The following TTC21B variants were observed in gnomAD, a reference collection of about 807,000 sequenced individuals.
The protein encoded by TTC21B is tetratricopeptide repeat protein 21B.
TTC21B carries 127 observed loss-of-function variants against 175.1 expected under a neutral mutation model. The observed-to-expected ratio is 0.73, with a 90% CI of 0.63 to 0.84. TTC21B has a LOEUF of 0.84. Ranked by LOEUF, TTC21B falls within the 40% of genes least tolerant of loss-of-function variation. TTC21B has a pLI of 0.00. For missense variants in TTC21B, 1,561 were observed against 1,558.3 expected (o/e 1.00, Z -0.03); for synonymous variants, 524 against 524.5 (o/e 1.00, Z 0.01).
intron 18 of TTC21B, among the ~76,000 whole-genome samples, chr2:165,908,010 C>T (rs757795281): frequency 2.7e-4 from 41 of 151,652 alleles, no homozygotes; most frequent in Non-Finnish European, 5.4e-4. Context: ...GGGTTAACAA[C>T]TAGAGGCTTT....
intron 11 of TTC21B, 36 bp downstream of exon 11, chr2:165,929,099 A>C (rs1320491770): frequency 1.3e-6 from 2 of 1,580,728 alleles, no homozygotes; most frequent in Non-Finnish European, 1.7e-6. Context: ...ACATCAAGTA[A>C]ACGCATCCTT....
rs770140920 is a variant in TTC21B, at chr2:165,929,327, G to T, written c.1194C>A (p.Ile398=). The T allele has an allele frequency of 1.9e-6, 3 of 1,601,100 alleles. No individual in the cohort carries two copies. The highest frequency in any genetic ancestry group is 2.2e-5 in the South Asian group (2 of 90,432). ...QQSIGKSAEL[I]YLHAVLAMKK... ...TCATGGCAAGAACTGCATGTAAATA[G>T]ATTAATTCCTAGAAAATAAGTAGTT... Residue 398 remains isoleucine (I), a synonymous_variant, in exon 11 of 29, where the codon ATC becomes ATA. Coordinates refer to ENST00000243344, the MANE Select transcript of TTC21B (RefSeq NM_024753.5).
chr2:165,930,418 A>G, intron 8 of TTC21B, 54 bp from the exon 9 acceptor site: 1 of 1,272,344 alleles, frequency 7.9e-7, no homozygotes, highest in Non-Finnish European at 1.1e-6. Context: ...TTCTACTGAG[A>G]CTAAAGGATT....
Position 165,930,732 on chromosome 2 carries a change from G to GTGTGTGTGTGTGTGTGT in TTC21B, c.895-369_895-368insACACACACACACACACA. On this transcript the variant is annotated intron_variant, in intron 8 of 28. Coordinates refer to ENST00000243344, the MANE Select transcript of TTC21B (RefSeq NM_024753.5). ...TATTTTATGGTTACGTGGGTATGGGGGTGTGTGTGTGTGTGTGTGTGTGTG... is the reference window on the plus strand; with the variant it reads ...TATTTTATGGTTACGTGGGTATGGGGTGTGTGTGTGTGTGTGTGTGTGTGTGTGTGTGTGTGTGTGTG... 1.9e-3 allele frequency among the ~76,000 whole-genome samples: 205 copies of GTGTGTGTGTGTGTGTGT among 110,772 alleles called. 14 individuals carry two copies. Among genetic ancestry groups the GTGTGTGTGTGTGTGTGT allele is most frequent in the Middle Eastern group, 8.8e-3 (2 of 226 alleles). 72.7% of individuals were successfully genotyped at this position (110,772 alleles called of 152,430 possible). A position where few individuals can be genotyped will look rare whatever the true frequency, so the allele number is the denominator to read the frequency against.
intron 1 of TTC21B, among the ~76,000 whole-genome samples, chr2:165,952,410 T>C (rs1687787092): frequency 1.3e-5 from 2 of 152,116 alleles, no homozygotes; most frequent in South Asian, 4.1e-4. Context: ...AAGTCTAAAA[T>C]GTGTACTATC....
chr2:165,953,676 C>CCCGCTCACCCGCTCACCTTCAATT lies in TTC21B; in HGVS notation c.21+8_21+9insAATTGAAGGTGAGCGGGTGAGCGG. The CCCGCTCACCCGCTCACCTTCAATT allele has an allele frequency of 6.5e-7, 1 of 1,548,128 alleles. No individual in the cohort carries two copies. Among genetic ancestry groups the CCCGCTCACCCGCTCACCTTCAATT allele is most frequent in the South Asian group, 1.2e-5 (1 of 83,998 alleles). Reference sequence around the variant, plus strand: ...GCCCGCTCACCCGCTCACCCGCTCACCCGCTCACCTTCAATTCCTGCGAGT... The same window carrying CCCGCTCACCCGCTCACCTTCAATT: ...GCCCGCTCACCCGCTCACCCGCTCACCCGCTCACCCGCTCACCTTCAATTCCGCTCACCTTCAATTCCTGCGAGT... On this transcript the variant is annotated intron_variant, in intron 1 of 28. Coordinates refer to ENST00000243344, the MANE Select transcript of TTC21B (RefSeq NM_024753.5).
At chr2:165,950,109 G>C (rs909249248) in intron 1 of TTC21B, among the ~76,000 whole-genome samples, 1 of 100,386 alleles carries the variant, frequency 1.0e-5, no homozygotes, top group African/African-American at 3.8e-5. Context: ...TCCATTGCCA[G>C]ACCATAGGTT....
At chr2:165,930,752 T>TGC (rs933531562) in intron 8 of TTC21B, among the ~76,000 whole-genome samples, 2 of 151,366 alleles carry the variant, frequency 1.3e-5, no homozygotes, top group African/African-American at 4.8e-5. Context: ...TGTGTGTGTG[T>TGC]GTGTGTGTGT....
chr2:165,903,582 G>T (rs1010434162), intron 19 of TTC21B, among the ~76,000 whole-genome samples: 9 of 152,146 alleles, frequency 5.9e-5, no homozygotes, highest in African/African-American at 1.9e-4. Flanking sequence ...GCTACTTCAG[G>T]ACCGTAAGCA....
At chr2:165,929,058 A>T (rs1477107809) in intron 11 of TTC21B, 77 bp downstream of exon 11, 2 of 1,341,344 alleles carry the variant, frequency 1.5e-6, no homozygotes, top group Admixed American at 3.5e-5. Context: ...AGTCTAATGC[A>T]TCAAAGAAAA....
At chr2:165,950,124 TA>T (rs3032579) in intron 1 of TTC21B, among the ~76,000 whole-genome samples, 35,496 of 148,504 alleles carry the variant, frequency 0.24, 6,778 homozygotes, top group African/African-American at 0.53. Flanking sequence ...TAGGTTTCTT[TA>T]AAAAAAAAAA....
chr2:165,951,033 ACCT>A lies in TTC21B; in HGVS notation c.22-1312_22-1310del, dbSNP rs927737518. ...CCCTCCTTGTGATCACTGCTCCCTA[ACCT>A]CCTTTTTAGCCATGTTTCTTAAAAG... On this transcript the variant is annotated intron_variant, in intron 1 of 28. Transcript: ENST00000243344. Among the ~76,000 whole-genome samples, 19 of 151,672 alleles carry A rather than the reference ACCT, an allele frequency of 1.3e-4. No homozygotes were observed. In the East Asian group the frequency reaches 2.3e-3, roughly 19 times the overall value.
rs1687820436 is a variant in TTC21B at position 165,953,403 on chromosome 2, A to G, written c.21+282T>C. On this transcript the variant is annotated intron_variant, in intron 1 of 28. Transcript: ENST00000243344. The stretch of plus-strand genomic sequence containing the variant: ...CATAGGTAACCCAAGCTTTCCTAGT[A>G]AACATGATACAAAAGTAAACACAAC... 2.6e-5 allele frequency among the ~76,000 whole-genome samples: 4 copies of G among 152,350 alleles called. No homozygotes were observed. The South Asian group carries it at 8.3e-4, about 32-fold the overall frequency.
At chr2:165,923,105 T>G (rs1169203044) in intron 12 of TTC21B, among the ~76,000 whole-genome samples, 1 of 151,772 alleles carries the variant, frequency 6.6e-6, no homozygotes, top group Non-Finnish European at 1.5e-5. Flanking sequence ...GGGAAGAGGG[T>G]GTGGGATAGA....
intron 18 of TTC21B, 51 bp from the exon 19 acceptor site, chr2:165,907,835 T>C: frequency 7.8e-7 from 1 of 1,288,210 alleles, no homozygotes; most frequent in Non-Finnish European, 1.1e-6. Flanking sequence ...TAAATAAATG[T>C]TTATATTTTT....
intron 14 of TTC21B, among the ~76,000 whole-genome samples, chr2:165,915,792 C>T (rs1686147323): frequency 6.6e-6 from 1 of 152,176 alleles, no homozygotes; most frequent in Admixed American, 6.5e-5. Flanking sequence ...ATTCCCTCCA[C>T]CAGAACACTG....
chr2:165,890,974 A>G lies in TTC21B; in HGVS notation c.2965T>C (p.Leu989=). ...LERKPDNYMT[L]SRLIDLLRRC... Reference sequence around the variant, plus strand: ...CTTAGGAGATCAATCAAACGAGATAATGTCATATAATTATCTAGAAACAAA... The same window carrying G: ...CTTAGGAGATCAATCAAACGAGATAGTGTCATATAATTATCTAGAAACAAA... Residue 989 remains leucine (L), a synonymous_variant, in exon 23 of 29, where the codon TTA becomes CTA. Coordinates refer to ENST00000243344, the MANE Select transcript of TTC21B (RefSeq NM_024753.5). 1.2e-6 allele frequency: 2 copies of G among 1,612,274 alleles called. No individual in the cohort carries two copies. The highest frequency in any genetic ancestry group is 8.5e-7 in the Non-Finnish European group (1 of 1,178,578).
At chr2:165,909,643 C>G (rs1685862502) in intron 18 of TTC21B, among the ~76,000 whole-genome samples, 1 of 151,972 alleles carries the variant, frequency 6.6e-6, no homozygotes, top group Admixed American at 6.6e-5. Context: ...AAGTTTTTAG[C>G]CTTAAGAAAG....
In TTC21B at chr2:165,913,848, C is replaced by G. The variant is rs549416382; in HGVS notation, c.2139-202G>C. 1.9e-4 allele frequency among the ~76,000 whole-genome samples: 29 copies of G among 152,282 alleles called. No homozygotes were observed. The East Asian group carries it at 2.5e-3, about 13-fold the overall frequency. On this transcript the variant is annotated intron_variant, in intron 15 of 28. Transcript: ENST00000243344. Reference sequence around the variant, plus strand: ...TATGCTAGATCAGCTATTTCTGTCACTGAATCTTTCCATTTTCTGAAATGC... The same window carrying G: ...TATGCTAGATCAGCTATTTCTGTCAGTGAATCTTTCCATTTTCTGAAATGC...
Sources: allele counts gnomAD v4.1 joint callset (sites outside exome capture counted in the v4.1 genomes callset), GRCh38; gene constraint gnomAD v4.1.1; transcripts MANE v1.5; gene names NCBI Gene and HGNC (gene_info 2026-07-23, HGNC 2026-07-21).